MERTK: variants seen among roughly 807,000 people sequenced by gnomAD.
MERTK encodes MER proto-oncogene, tyrosine kinase.
MERTK carries 69 observed loss-of-function variants against 99.3 expected under a neutral mutation model. That is an observed-to-expected ratio of 0.70 (90% CI 0.57 to 0.85). The LOEUF (loss-of-function observed/expected upper bound fraction) is 0.85, where lower values mean the gene tolerates loss of function less well. Ranked by LOEUF, MERTK falls within the 40% of genes least tolerant of loss-of-function variation. The pLI, the probability that MERTK is intolerant of heterozygous loss-of-function variation, is 0.00. For synonymous variants in MERTK, 426 were observed against 467.6 expected, an observed-to-expected ratio of 0.91 and a Z score of 1.15; for missense variants, 1,125 against 1,249.4, an observed-to-expected ratio of 0.90 and a Z score of 1.50.
chr2:112,013,641 G>A (rs1677153867), intron 15 of MERTK: 1 of 154,338 alleles, frequency 6.5e-6, no homozygotes, highest in Non-Finnish European at 1.5e-5. Context: ...GAGGCACAGG[G>A]GGCCATGGTG....
rs1332079461 is a variant in MERTK at position 112,008,201 on chromosome 2, T to A, written c.1868-182T>A. 2.6e-5 allele frequency among the ~76,000 whole-genome samples: 4 copies of A among 152,128 alleles called. No individual in the cohort carries two copies. In the East Asian group the frequency reaches 7.7e-4, roughly 29 times the overall value. On this transcript the variant is annotated intron_variant, in intron 13 of 18. Transcript: ENST00000295408. Reference sequence around the variant, plus strand: ...CCCCAAAAGTCCCCTGTGCTTTGCCTGTTTGCCCCTCTCTTATCTCCCCTA... The same window carrying A: ...CCCCAAAAGTCCCCTGTGCTTTGCCAGTTTGCCCCTCTCTTATCTCCCCTA...
rs1280130889 is a variant in MERTK at position 112,022,140 on chromosome 2, A to G, written c.2350-118A>G. On this transcript the variant is annotated intron_variant, in intron 17 of 18. Coordinates refer to ENST00000295408, the MANE Select transcript of MERTK (RefSeq NM_006343.3). ...TGGGAGAGCAGTGCGTCTCACACAT[A>G]ATTGCCAGCTTTGTGCATGATCATC... The G allele has an allele frequency of 3.5e-6, 5 of 1,430,168 alleles. No homozygotes were observed. In the African/African-American group the frequency reaches 4.2e-5, roughly 12 times the overall value. 88.6% of individuals were successfully genotyped at this position (1,430,168 alleles called of 1,614,324 possible). A position where few individuals can be genotyped will look rare whatever the true frequency, so the allele number is the denominator to read the frequency against.
At chr2:111,958,577 G>A (rs1041358473) in intron 4 of MERTK, among the ~76,000 whole-genome samples, 1 of 152,178 alleles carries the variant, frequency 6.6e-6, no homozygotes, top group South Asian at 2.1e-4. Flanking sequence ...CTTGTACACT[G>A]TTTTAATACA....
chr2:112,022,644 A>T, intron 18 of MERTK: 1 of 728,044 alleles, frequency 1.4e-6, no homozygotes, highest in Non-Finnish European at 2.5e-6. Context: ...AACGACAGGC[A>T]CGGTCAAGAC....
intron 2 of MERTK, among the ~76,000 whole-genome samples, chr2:111,935,964 TG>T (rs1161519785): frequency 2.0e-5 from 3 of 152,106 alleles, no homozygotes; most frequent in Non-Finnish European, 4.4e-5. Flanking sequence ...TCACCCAGGC[TG>T]GAGTGCAGTG....
At chr2:112,020,864 A>G (rs11683819) in intron 16 of MERTK, among the ~76,000 whole-genome samples, 91,705 of 151,540 alleles carry the variant, frequency 0.61, 28,074 homozygotes, top group Middle Eastern at 0.69. Context: ...TGCCCTTGCT[A>G]GTCCACATCC....
Position 111,982,961 on chromosome 2 carries a change from A to T in MERTK, c.1264A>T (p.Ile422Leu), listed in dbSNP as rs573038792. Reference protein sequence around the residue: ...QQDGELVGYRISHVWQSAGIS... With the variant: ...QQDGELVGYRLSHVWQSAGIS... ...GGATGGAGAACTGGTGGGCTACCGG[A>T]TATCCCACGTGTGGCAGAGTGCAGG... Residue 422 changes from isoleucine (I) to leucine (L), a missense_variant, in exon 8 of 19, where the codon ATA becomes TTA. Physicochemically the swap from Ile to Leu is conservative, Grantham distance 5 (BLOSUM62 2). Transcript: ENST00000295408. 1 of 1,614,164 alleles carries T rather than the reference A, an allele frequency of 6.2e-7. No homozygotes were observed. Among genetic ancestry groups the T allele is most frequent in the African/African-American group, 1.3e-5 (1 of 75,046 alleles).
rs191525605 is a variant in MERTK, at chr2:112,029,303, A to G, written c.*439A>G. On this transcript the variant is annotated 3_prime_UTR_variant, in exon 19 of 19. Coordinates refer to ENST00000295408, the MANE Select transcript of MERTK (RefSeq NM_006343.3). Reference sequence around the variant, plus strand: ...GTATTTGATAAGAATGATTCATTCAATGTTTAAAGTTGTATAACTGATTAA... The same window carrying G: ...GTATTTGATAAGAATGATTCATTCAGTGTTTAAAGTTGTATAACTGATTAA... The G allele has an allele frequency of 6.4e-3, 6,167 of 959,740 alleles. 23 individuals carry two copies. The highest frequency in any genetic ancestry group is 0.013 in the Middle Eastern group (25 of 1,876). 59.5% of individuals were successfully genotyped at this position (959,740 alleles called of 1,614,324 possible).
chr2:111,931,200 TTTTTTTACA>T (rs1684663202), intron 2 of MERTK, among the ~76,000 whole-genome samples: 1 of 152,120 alleles, frequency 6.6e-6, no homozygotes, highest in South Asian at 2.1e-4. Flanking sequence ...GATGTGCCCT[TTTTTTTACA>T]TTTTTTCCCC....
rs190940745 is a variant in MERTK, at chr2:111,926,718, G to A, written c.62-2402G>A. 1.4e-3 allele frequency among the ~76,000 whole-genome samples: 216 copies of A among 152,258 alleles called. 1 individual carries two copies. The highest frequency in any genetic ancestry group is 4.6e-3 in the African/African-American group (192 of 41,548). On this transcript the variant is annotated intron_variant, in intron 1 of 18. Transcript: ENST00000295408. The stretch of plus-strand genomic sequence containing the variant: ...CTCCACTCCAGCCTGGTGACAGAGC[G>A]AGACTCCATCTCAGAAAGCAAACAA...
At chr2:111,956,205 A>G (rs1685145790) in intron 4 of MERTK, among the ~76,000 whole-genome samples, 1 of 152,182 alleles carries the variant, frequency 6.6e-6, no homozygotes, top group Non-Finnish European at 1.5e-5. Context: ...AAGTTACTCA[A>G]CTTCTGTATA....
intron 12 of MERTK, 31 bp downstream of exon 12, chr2:112,003,218 G>T (rs1676906385): frequency 9.6e-7 from 1 of 1,038,412 alleles, no homozygotes. Context: ...CTTTTAAAAT[G>T]TGGGATAAGA....
chr2:111,940,382 T>C, intron 2 of MERTK: 1 of 528,336 alleles, frequency 1.9e-6, no homozygotes, highest in Admixed American at 2.0e-5. Flanking sequence ...GCTTCATTAA[T>C]TTTTGTCTGT....
chr2:112,019,585 A>C, intron 16 of MERTK, 63 bp downstream of exon 16: 1 of 1,229,900 alleles, frequency 8.1e-7, no homozygotes, highest in Non-Finnish European at 1.2e-6. Context: ...TTGCAGGGTT[A>C]GTGAGAGGAC....
chr2:112,003,582 A>G (rs1251101928), intron 12 of MERTK: 6 of 384,068 alleles, frequency 1.6e-5, no homozygotes, highest in African/African-American at 4.1e-5. Context: ...AGGATGAATG[A>G]TAATGGTATT....
chr2:111,968,000 C>T (rs1270837384), intron 5 of MERTK, 137 bp from the exon 6 acceptor site: 1 of 714,572 alleles, frequency 1.4e-6, no homozygotes, highest in African/African-American at 1.7e-5. Flanking sequence ...TAGGGAGGCT[C>T]CTCTTGAAAA....
At chr2:111,998,991 TA>T (rs1236962143) in intron 10 of MERTK, among the ~76,000 whole-genome samples, 1 of 152,214 alleles carries the variant, frequency 6.6e-6, no homozygotes, top group African/African-American at 2.4e-5. Flanking sequence ...TTTTTACTTA[TA>T]AAAGTAACAT....
At chr2:111,901,631 C>T (rs1558764514) in intron 1 of MERTK, among the ~76,000 whole-genome samples, 1 of 149,364 alleles carries the variant, frequency 6.7e-6, no homozygotes, top group Non-Finnish European at 1.5e-5. Context: ...TCACGGCTCA[C>T]TGCAACCTCA....
intron 4 of MERTK, chr2:111,952,325 A>AG (rs972330410): frequency 7.7e-5 from 12 of 155,082 alleles, no homozygotes; most frequent in African/African-American, 2.6e-4. Flanking sequence ...TGAAAAGTTT[A>AG]GGAGACAGAC....
Sources: gnomAD v4.1 joint callset for allele counts (sites outside exome capture counted in the v4.1 genomes callset) on GRCh38, gnomAD v4.1.1 for gene constraint, MANE v1.5 for transcripts, NCBI Gene and HGNC (gene_info 2026-07-23, HGNC 2026-07-21) for gene names.